The following ABHD3 variants were observed in gnomAD, a reference collection of about 807,000 sequenced individuals.
ABHD3 encodes the protein phospholipase ABHD3.
ABHD3 carries 46 observed loss-of-function variants against 48.8 expected under a neutral mutation model. The ratio of observed to expected loss-of-function variants is 0.94; its 90% CI spans 0.74 to 1.20. The LOEUF is 1.20. Among genes scored for constraint, ABHD3 ranks in the 50% most tolerant of loss-of-function variants. The pLI is 0.00. For missense variants in ABHD3, 490 were observed against 497.8 expected, an observed-to-expected ratio of 0.98 and a Z score of 0.15; for synonymous variants, 192 against 183.7, an observed-to-expected ratio of 1.04 and a Z score of -0.36.
At chr18:21,658,909 GCTTA>G (rs1159171676) in intron 6 of ABHD3, among the ~76,000 whole-genome samples, 2 of 151,408 alleles carry the variant, frequency 1.3e-5, no homozygotes, top group Non-Finnish European at 2.9e-5. Context: ...CACGATCTCG[GCTTA>G]CTGCAACCTC....
At chr18:21,693,101 A>G (rs576283949) in intron 3 of ABHD3, among the ~76,000 whole-genome samples, 1 of 152,238 alleles carries the variant, frequency 6.6e-6, no homozygotes, top group South Asian at 2.1e-4. Flanking sequence ...TCTTCTTCGT[A>G]TTAATAACAG....
At chr18:21,690,336 T>A (rs2040219111) in intron 3 of ABHD3, among the ~76,000 whole-genome samples, 1 of 151,158 alleles carries the variant, frequency 6.6e-6, no homozygotes, top group Non-Finnish European at 1.5e-5. Context: ...GCACGGTGAC[T>A]CACCCCTGTA....
In ABHD3 at chr18:21,653,077, A is replaced by AAAAAAAAAAAAG. The variant is rs772523934; in HGVS notation, c.1058-1315_1058-1314insCTTTTTTTTTTT. Among the ~76,000 whole-genome samples the AAAAAAAAAAAAG allele has an allele frequency of 9.2e-4, 70 of 76,154 alleles. 20 individuals carry two copies. The highest frequency in any genetic ancestry group is 3.3e-3 in the African/African-American group (47 of 14,278). 50.0% of individuals were successfully genotyped at this position (76,154 alleles called of 152,430 possible). A position where few individuals can be genotyped will look rare whatever the true frequency, so the allele number is the denominator to read the frequency against. On this transcript the variant is annotated intron_variant, in intron 8 of 8. Coordinates refer to ENST00000289119, the MANE Select transcript of ABHD3 (RefSeq NM_138340.5). Reference sequence around the variant, plus strand: ...CAAAAAAAAAAAAAAAAAAAAAAAAAAAAGAGCTGGGTGTGGTGGCTCACG... The same window carrying AAAAAAAAAAAAG: ...CAAAAAAAAAAAAAAAAAAAAAAAAAAAAAAAAAAAAGAAAGAGCTGGGTGTGGTGGCTCACG...
chr18:21,674,716 C>T (rs2039837102), intron 4 of ABHD3, among the ~76,000 whole-genome samples: 1 of 152,108 alleles, frequency 6.6e-6, no homozygotes, highest in Admixed American at 6.6e-5. Flanking sequence ...ATTTTTGAAG[C>T]ATTTAGGAAA....
rs544500873 is a variant in ABHD3, at chr18:21,697,582, T to C, written c.509+4734A>G. The stretch of plus-strand genomic sequence containing the variant: ...TTTTAGTAGAAACAAGGTTTCGCCA[T>C]GTTGGCCAGGCTGGTCTCAAACTCC... On this transcript the variant is annotated intron_variant, in intron 3 of 8. Coordinates refer to ENST00000289119, the MANE Select transcript of ABHD3 (RefSeq NM_138340.5). 5.3e-5 allele frequency among the ~76,000 whole-genome samples: 8 copies of C among 152,282 alleles called. No homozygotes were observed. The East Asian group carries it at 1.5e-3, about 29-fold the overall frequency.
chr18:21,669,727 T>C (rs982487930), intron 4 of ABHD3, among the ~76,000 whole-genome samples: 2 of 152,204 alleles, frequency 1.3e-5, no homozygotes, highest in African/African-American at 2.4e-5. Flanking sequence ...ATGGCACTTA[T>C]ATTTTCCTAG....
intron 4 of ABHD3, among the ~76,000 whole-genome samples, chr18:21,667,682 T>G (rs1431680701): frequency 1.3e-5 from 2 of 152,132 alleles, no homozygotes; most frequent in Non-Finnish European, 2.9e-5. Context: ...ATGGCTAACA[T>G]TTATTGGATC....
chr18:21,663,942 GAATT>G (rs1168362261), intron 5 of ABHD3, 172 bp downstream of exon 5: 43 of 1,426,906 alleles, frequency 3.0e-5, no homozygotes, highest in Admixed American at 2.1e-4. Flanking sequence ...AAATTCACCT[GAATT>G]AATTCTTTCC....
intron 3 of ABHD3, chr18:21,702,107 A>T (rs1028562479): frequency 6.3e-6 from 3 of 477,324 alleles, no homozygotes; most frequent in Admixed American, 7.6e-5. Flanking sequence ...CAGAGTGTCT[A>T]CTATGCTAAG....
intron 3 of ABHD3, among the ~76,000 whole-genome samples, chr18:21,699,604 G>A (rs1250008871): frequency 1.3e-5 from 2 of 152,192 alleles, no homozygotes; most frequent in African/African-American, 2.4e-5. Flanking sequence ...CTGATCATGT[G>A]ACTTGCTTTG....
chr18:21,660,646 T>C (rs1204781418), intron 5 of ABHD3, among the ~76,000 whole-genome samples: 2 of 152,212 alleles, frequency 1.3e-5, no homozygotes, highest in Non-Finnish European at 2.9e-5. Flanking sequence ...ATAGGAGAAA[T>C]GGCTTAAAAT....
At chr18:21,675,330 A>G (rs867504925) in intron 4 of ABHD3, among the ~76,000 whole-genome samples, 10 of 134,452 alleles carry the variant, frequency 7.4e-5, no homozygotes, top group African/African-American at 2.0e-4. Flanking sequence ...GTGCAGTGGC[A>G]TGATCTCGGC....
chr18:21,677,787 G>A (rs1004129435), intron 4 of ABHD3, among the ~76,000 whole-genome samples: 4 of 151,454 alleles, frequency 2.6e-5, no homozygotes, highest in Non-Finnish European at 5.9e-5. Context: ...GGGTTCAAGC[G>A]ATTCCCCTGC....
At chr18:21,681,774 C>T (rs1044080049) in intron 4 of ABHD3, among the ~76,000 whole-genome samples, 1 of 152,124 alleles carries the variant, frequency 6.6e-6, no homozygotes, top group Non-Finnish European at 1.5e-5. Context: ...GGTCTGAATC[C>T]TGGCTCTGTC....
At chr18:21,699,623 C>G (rs538679373) in intron 3 of ABHD3, among the ~76,000 whole-genome samples, 2 of 152,334 alleles carry the variant, frequency 1.3e-5, no homozygotes, top group Admixed American at 6.5e-5. Flanking sequence ...TGACCAGTAG[C>G]ACTGTGGGAG....
At chr18:21,689,574 A>AAAAAAAC (rs1555681996) in intron 3 of ABHD3, among the ~76,000 whole-genome samples, 6 of 148,608 alleles carry the variant, frequency 4.0e-5, no homozygotes, top group African/African-American at 1.5e-4. Flanking sequence ...AAAAAAAAAA[A>AAAAAAAC]GGGAAATGCT....
rs901925608 is a variant in ABHD3, at chr18:21,651,458, T to G, written c.*133A>C. 5.1e-6 allele frequency: 5 copies of G among 981,806 alleles called. No individual in the cohort carries two copies. The highest frequency in any genetic ancestry group is 7.2e-6 in the Non-Finnish European group (5 of 691,074). The allele number at this position is 981,806 out of a possible 1,614,324, so 60.8% of individuals were successfully genotyped here. On this transcript the variant is annotated 3_prime_UTR_variant, in exon 9 of 9. Transcript: ENST00000289119. ...GTTTTGTTTCTCTAAAAAGTAGTTT[T>G]TGCATATCATTCTGGACCTCTTCAC... is the stretch of plus-strand genomic sequence containing the variant.
chr18:21,655,016 A>AT (rs2039311035), intron 8 of ABHD3: 1 of 152,166 alleles, frequency 6.6e-6, no homozygotes, highest in African/African-American at 2.4e-5. Flanking sequence ...AAGTCAACTG[A>AT]TATTAAAGTT....
intron 2 of ABHD3, among the ~76,000 whole-genome samples, chr18:21,703,216 CCA>C (rs2040552357): frequency 3.1e-5 from 3 of 96,024 alleles, no homozygotes; most frequent in African/African-American, 1.2e-4. Flanking sequence ...CCTTCTCACC[CCA>C]CCCCCCCCCC....
Sources: gnomAD v4.1 joint callset for allele counts (sites outside exome capture counted in the v4.1 genomes callset) on GRCh38, gnomAD v4.1.1 for gene constraint, MANE v1.5 for transcripts, NCBI Gene and HGNC (gene_info 2026-07-23, HGNC 2026-07-21) for gene names.